Variants in ANKRD6 observed in about 807,000 individuals in gnomAD.
ANKRD6 encodes the protein ankyrin repeat domain-containing protein 6.
Under a neutral mutation model 82.3 loss-of-function variants are expected in ANKRD6, and 56 were observed. The ratio of observed to expected loss-of-function variants is 0.68; its 90% CI spans 0.55 to 0.85. The LOEUF (loss-of-function observed/expected upper bound fraction) is 0.85. Ranked by LOEUF, ANKRD6 falls within the 40% of genes least tolerant of loss-of-function variation. ANKRD6 has a pLI of 0.00. For synonymous variants in ANKRD6, 347 were observed against 352.1 expected (o/e 0.99, Z 0.16); for missense variants, 852 against 907.6 (o/e 0.94, Z 0.79).
At chr6:89,444,949 CAA>C (rs1771875496) in intron 1 of ANKRD6, among the ~76,000 whole-genome samples, 1 of 151,668 alleles carries the variant, frequency 6.6e-6, no homozygotes, top group Non-Finnish European at 1.5e-5. Context: ...ACATGAGTGA[CAA>C]GAGCGAAACT....
At chr6:89,493,363 G>C (rs1778226238) in intron 1 of ANKRD6, among the ~76,000 whole-genome samples, 1 of 151,800 alleles carries the variant, frequency 6.6e-6, no homozygotes, top group Admixed American at 6.6e-5. Flanking sequence ...TTTGTCTTCT[G>C]TGTGTCTCTG....
At chr6:89,526,545 C>A (rs190683078) in intron 1 of ANKRD6, among the ~76,000 whole-genome samples, 1 of 152,302 alleles carries the variant, frequency 6.6e-6, no homozygotes, top group African/African-American at 2.4e-5. Context: ...TGGTTCAGAT[C>A]TGCAAGAAAC....
In ANKRD6 at chr6:89,567,079, A is replaced by G; in HGVS notation, c.103A>G (p.Arg35Gly). ...GGTTCAGCTCATCAACAAGGGCGCC[A>G]GGGTAGCGGTTACCAAGGTAACAAG... is the stretch of plus-strand genomic sequence containing the variant. Reference protein sequence around the residue: ...NVVQLINKGARVAVTKHGRTP... With the variant: ...NVVQLINKGAGVAVTKHGRTP... Residue 35 changes from arginine (R) to glycine (G), a missense_variant, in exon 2 of 16, where the codon AGG becomes GGG. Arg to Gly is a moderately radical substitution (Grantham distance 125). Transcript: ENST00000339746. 1 of 1,601,648 alleles carries G rather than the reference A, an allele frequency of 6.2e-7. No individual in the cohort carries two copies. Among genetic ancestry groups the G allele is most frequent in the East Asian group, 2.2e-5 (1 of 44,528 alleles).
intron 1 of ANKRD6, among the ~76,000 whole-genome samples, chr6:89,482,199 G>A (rs1201680182): frequency 1.3e-5 from 2 of 152,166 alleles, no homozygotes; most frequent in African/African-American, 2.4e-5. Context: ...TGTAAGTGCT[G>A]TAAGTGGCCC....
intron 1 of ANKRD6, among the ~76,000 whole-genome samples, chr6:89,485,209 G>A (rs1166231885): frequency 6.6e-6 from 1 of 152,192 alleles, no homozygotes. Flanking sequence ...AAGTTCATAA[G>A]TGGAGTATTG....
chr6:89,623,565 G>A, intron 11 of ANKRD6, 21 bp downstream of exon 11: 1 of 1,569,502 alleles, frequency 6.4e-7, no homozygotes, highest in Non-Finnish European at 8.6e-7. Context: ...ACAGAAAGCA[G>A]CCCAGAGGGG....
intron 1 of ANKRD6, among the ~76,000 whole-genome samples, chr6:89,562,082 C>T (rs965730124): frequency 4.6e-5 from 7 of 152,164 alleles, no homozygotes; most frequent in Admixed American, 1.3e-4. Context: ...AAAGCCCTCT[C>T]CTTTCTATGA....
intron 5 of ANKRD6, among the ~76,000 whole-genome samples, chr6:89,608,905 T>C (rs1179897): frequency 0.2 from 30,747 of 152,138 alleles, 3,584 homozygotes; most frequent in African/African-American, 0.31. Flanking sequence ...AAAGCTCCTG[T>C]CTGACACTGT....
intron 9 of ANKRD6, chr6:89,619,614 CAAAT>C (rs770201291): frequency 6.6e-6 from 1 of 152,140 alleles, no homozygotes; most frequent in Non-Finnish European, 1.5e-5. Context: ...CATCGAATAA[CAAAT>C]AAGTTGGATG....
intron 1 of ANKRD6, among the ~76,000 whole-genome samples, chr6:89,470,279 G>A (rs933872297): frequency 6.6e-5 from 10 of 152,062 alleles, no homozygotes; most frequent in Non-Finnish European, 1.3e-4. Flanking sequence ...TCAGGAAAAC[G>A]TTACTGAAAA....
intron 2 of ANKRD6, among the ~76,000 whole-genome samples, chr6:89,590,228 A>G (rs1157408171): frequency 6.6e-6 from 1 of 152,222 alleles, no homozygotes; most frequent in Non-Finnish European, 1.5e-5. Flanking sequence ...GAGAGCATCA[A>G]CAAGAATGTA....
chr6:89,623,646 G>C, intron 11 of ANKRD6, 102 bp downstream of exon 11: 7 of 1,477,378 alleles, frequency 4.7e-6, no homozygotes, highest in Non-Finnish European at 6.3e-6. Context: ...CACTCACTTG[G>C]CTGGCTGGTT....
At position 89,631,043 on chromosome 6, in the gene ANKRD6, T is replaced by A. The variant is rs1238176565; in HGVS notation, c.*39T>A. The A allele has an allele frequency of 2.0e-6, 3 of 1,463,804 alleles. No homozygotes were observed. The highest frequency in any genetic ancestry group is 1.8e-4 in the Middle Eastern group (1 of 5,604). 90.7% of individuals were successfully genotyped at this position (1,463,804 alleles called of 1,614,324 possible). A position where few individuals can be genotyped will look rare whatever the true frequency, so the allele number is the denominator to read the frequency against. On this transcript the variant is annotated 3_prime_UTR_variant, in exon 16 of 16. Coordinates refer to ENST00000339746, the MANE Select transcript of ANKRD6 (RefSeq NM_001242809.2). ...GAAATATGAAAGGATTCTTGAAGAT[T>A]TCCAGTTTTGCAACTGCATAATAGC...
intron 1 of ANKRD6, among the ~76,000 whole-genome samples, chr6:89,515,763 G>A (rs1349428380): frequency 6.6e-6 from 1 of 152,104 alleles, no homozygotes; most frequent in African/African-American, 2.4e-5. Context: ...TTGAGAGAAG[G>A]TGCCTCTCCT....
At chr6:89,506,048 T>TG (rs1779806493) in intron 1 of ANKRD6, among the ~76,000 whole-genome samples, 1 of 152,030 alleles carries the variant, frequency 6.6e-6, no homozygotes, top group Admixed American at 6.5e-5. Context: ...TTGCGGGGGC[T>TG]GGGGGAGGGC....
At chr6:89,612,513 T>G (rs1461667200) in intron 6 of ANKRD6, 143 bp downstream of exon 6, 4 of 860,552 alleles carry the variant, frequency 4.6e-6, no homozygotes, top group Non-Finnish European at 6.8e-6. Context: ...GTTCTTTTTT[T>G]GGCAATTTTC....
At chr6:89,531,165 C>G (rs1451607359) in intron 1 of ANKRD6, among the ~76,000 whole-genome samples, 1 of 152,184 alleles carries the variant, frequency 6.6e-6, no homozygotes, top group South Asian at 2.1e-4. Flanking sequence ...CCTGCCAGTG[C>G]GCGGAAGGTG....
chr6:89,484,297 G>T (rs774446433), intron 1 of ANKRD6, among the ~76,000 whole-genome samples: 1 of 152,134 alleles, frequency 6.6e-6, no homozygotes, highest in Non-Finnish European at 1.5e-5. Flanking sequence ...TACGTGATGC[G>T]CTTACCACAG....
intron 1 of ANKRD6, among the ~76,000 whole-genome samples, chr6:89,479,581 TTTC>T (rs1459259280): frequency 1.3e-5 from 2 of 150,036 alleles, no homozygotes; most frequent in African/African-American, 2.4e-5. Flanking sequence ...ATTAGAATTA[TTTC>T]TTTTTTTATT....
Sources: allele counts gnomAD v4.1 joint callset (sites outside exome capture counted in the v4.1 genomes callset), GRCh38; gene constraint gnomAD v4.1.1; transcripts MANE v1.5; gene names NCBI Gene and HGNC (gene_info 2026-07-23, HGNC 2026-07-21).